The following SBNO1 variants were observed in gnomAD, a reference collection of about 807,000 sequenced individuals.
SBNO1 encodes the protein protein strawberry notch homolog 1.
A neutral mutation model predicts 173.6 loss-of-function variants in SBNO1; 23 were observed. The observed-to-expected ratio is 0.13, with a 90% CI of 0.10 to 0.19. The LOEUF is 0.19. Ranked by LOEUF, SBNO1 falls within the 10% of genes least tolerant of loss-of-function variation. The probability of loss-of-function intolerance (pLI) is 1.00; values close to 1 mark genes in which losing one functional copy is unlikely to be tolerated. For synonymous variants in SBNO1, 632 were observed against 571.5 expected (o/e 1.11, Z -1.51); for missense variants, 1,238 against 1,671.2 (o/e 0.74, Z 4.52).
chr12:123,309,544 A>G lies in SBNO1; in HGVS notation c.3482T>C (p.Val1161Ala). 1 of 1,614,100 alleles carries G rather than the reference A, an allele frequency of 6.2e-7. No homozygotes were observed. The highest frequency in any genetic ancestry group is 8.5e-7 in the Non-Finnish European group (1 of 1,179,956). Residue 1161 changes from valine (V) to alanine (A), a missense_variant, in exon 27 of 32, where the codon GTT (valine) becomes GCT (alanine). Physicochemically the swap from Val to Ala is moderately conservative, Grantham distance 64. Coordinates refer to ENST00000602398, the MANE Select transcript of SBNO1 (RefSeq NM_001167856.3). ...ATATCCTGGAGTCAGAAACTTTTTAACATCACTTTTCCGCACTTTTTCATC... is the reference window on the plus strand; with the variant it reads ...ATATCCTGGAGTCAGAAACTTTTTAGCATCACTTTTCCGCACTTTTTCATC... ...SGDEKVRKSD[V>A]KKFLTPGYST...
At chr12:123,315,841 A>G (rs184626361) in intron 21 of SBNO1, among the ~76,000 whole-genome samples, 181 bp from the exon 22 acceptor site, 2 of 152,342 alleles carry the variant, frequency 1.3e-5, no homozygotes, top group East Asian at 3.9e-4. Flanking sequence ...AAGTATTAGC[A>G]TTGCTACCCC....
chr12:123,348,147 A>C lies in SBNO1; in HGVS notation c.133-14T>G. On this transcript the variant is annotated splice_polypyrimidine_tract_variant and intron_variant, in intron 2 of 31. Transcript: ENST00000602398. Reference sequence around the variant, plus strand: ...AAGTGGCACTGACTGGAGAGAAAACAACATCAGACAAAAAATAAAAGGACA... The same window carrying C: ...AAGTGGCACTGACTGGAGAGAAAACCACATCAGACAAAAAATAAAAGGACA... The C allele has an allele frequency of 2.9e-6, 4 of 1,370,666 alleles. No homozygotes were observed. The highest frequency in any genetic ancestry group is 4.0e-6 in the Non-Finnish European group (4 of 1,011,606). The allele number at this position is 1,370,666 out of a possible 1,614,324, so 84.9% of individuals were successfully genotyped here.
chr12:123,359,078 G>A (rs1373191457), intron 1 of SBNO1, among the ~76,000 whole-genome samples: 2 of 151,660 alleles, frequency 1.3e-5, no homozygotes, highest in East Asian at 2.0e-4. Flanking sequence ...GATTATAGGC[G>A]CCCACCACCA....
chr12:123,297,687 C>G (rs894157481), intron 31 of SBNO1, among the ~76,000 whole-genome samples: 1 of 152,100 alleles, frequency 6.6e-6, no homozygotes, highest in South Asian at 2.1e-4. Flanking sequence ...AGAGGCTGAA[C>G]TGTCTACACA....
intron 15 of SBNO1, 137 bp downstream of exon 15, chr12:123,325,365 C>T: frequency 1.6e-6 from 1 of 625,126 alleles, no homozygotes; most frequent in East Asian, 2.7e-5. Context: ...TACAGAAAAG[C>T]AGAAAACTCA....
chr12:123,364,545 C>G (rs1472385078), intron 1 of SBNO1, 156 bp downstream of exon 1: 21 of 983,480 alleles, frequency 2.1e-5, no homozygotes, highest in Non-Finnish European at 2.3e-5. Flanking sequence ...CCGGAGCGCG[C>G]GGCCGCGAGG....
chr12:123,316,763 C>T lies in SBNO1; in HGVS notation c.2935+458G>A, dbSNP rs1423957009. ...TGTTGCCCAGGCTGGAGTGCAATAGCGTGATCTCAGCTCACTGCAGCCTGC... is the reference window on the plus strand; with the variant it reads ...TGTTGCCCAGGCTGGAGTGCAATAGTGTGATCTCAGCTCACTGCAGCCTGC... On this transcript the variant is annotated intron_variant, in intron 21 of 31. Transcript: ENST00000602398. Among the ~76,000 whole-genome samples, 7 of 143,248 alleles carry T rather than the reference C, an allele frequency of 4.9e-5. No individual in the cohort carries two copies. The East Asian group carries it at 6.4e-4, about 13-fold the overall frequency. 94.0% of individuals were successfully genotyped at this position (143,248 alleles called of 152,430 possible). A position where few individuals can be genotyped will look rare whatever the true frequency, so the allele number is the denominator to read the frequency against.
At chr12:123,352,290 C>T (rs1442394193) in intron 1 of SBNO1, among the ~76,000 whole-genome samples, 3 of 152,280 alleles carry the variant, frequency 2.0e-5, no homozygotes, top group Non-Finnish European at 4.4e-5. Context: ...TTCATGATGT[C>T]CTACAAAAAT....
chr12:123,292,397 C>T lies in SBNO1; in HGVS notation c.*3511G>A, dbSNP rs1280533748. 6.6e-6 allele frequency: 1 copy of T among 152,172 alleles called. No homozygotes were observed. The highest frequency in any genetic ancestry group is 1.5e-5 in the Non-Finnish European group (1 of 68,036). 9.4% of individuals were successfully genotyped at this position (152,172 alleles called of 1,614,324 possible). On this transcript the variant is annotated 3_prime_UTR_variant, in exon 32 of 32. Transcript: ENST00000602398. ...CTTCCATGAAGTGAGATGCAACAAT[C>T]ATTTCCAATCTATTTTTTTATCTCA...
Position 123,295,770 on chromosome 12 carries a change from T to G in SBNO1, c.*138A>C. ...AGTTTTGCTATCTATTCCAGGTTTG[T>G]CCTTACTCCCAAAAAAACTAACTAG... On this transcript the variant is annotated 3_prime_UTR_variant, in exon 32 of 32. Coordinates refer to ENST00000602398, the MANE Select transcript of SBNO1 (RefSeq NM_001167856.3). 9.0e-7 allele frequency: 1 copy of G among 1,115,506 alleles called. No homozygotes were observed. 69.1% of individuals were successfully genotyped at this position (1,115,506 alleles called of 1,614,324 possible).
intron 1 of SBNO1, among the ~76,000 whole-genome samples, chr12:123,358,054 T>C (rs1488284108): frequency 6.6e-6 from 1 of 152,190 alleles, no homozygotes; most frequent in African/African-American, 2.4e-5. Flanking sequence ...GAACCAGAAG[T>C]GACTCAGGGT....
chr12:123,311,299 ATC>A (rs1227941604), intron 24 of SBNO1, among the ~76,000 whole-genome samples, 170 bp from the exon 25 acceptor site: 3 of 152,214 alleles, frequency 2.0e-5, no homozygotes, highest in African/African-American at 7.2e-5. Context: ...TCACTCTGTC[ATC>A]TGTGACCTAA....
At position 123,331,233 on chromosome 12, in the gene SBNO1, A is replaced by C. The variant is rs1303661615; in HGVS notation, c.1043+9T>G. 6.2e-7 allele frequency: 1 copy of C among 1,613,380 alleles called. No homozygotes were observed. The highest frequency in any genetic ancestry group is 1.3e-5 in the African/African-American group (1 of 74,878). The stretch of plus-strand genomic sequence containing the variant: ...GCGCCTGGCCCACAGCCAGTTTTTA[A>C]ACACTTACCACAATGCTCGTTTTCT... On this transcript the variant is annotated intron_variant, in intron 8 of 31. Coordinates refer to ENST00000602398, the MANE Select transcript of SBNO1 (RefSeq NM_001167856.3).
At chr12:123,313,266 A>G (rs1332352267) in intron 24 of SBNO1, among the ~76,000 whole-genome samples, 2 of 149,380 alleles carry the variant, frequency 1.3e-5, no homozygotes, top group Non-Finnish European at 3.0e-5. Flanking sequence ...TTTTTAAAAA[A>G]GACTCGGTCT....
intron 1 of SBNO1, among the ~76,000 whole-genome samples, chr12:123,360,087 CA>C (rs1222239788): frequency 1.3e-5 from 2 of 151,764 alleles, no homozygotes; most frequent in South Asian, 2.1e-4. Context: ...TAAAAACACA[CA>C]AAAAAATTAG....
intron 19 of SBNO1, 39 bp from the exon 20 acceptor site, chr12:123,320,070 G>A (rs1396209979): frequency 6.2e-7 from 1 of 1,611,386 alleles, no homozygotes; most frequent in East Asian, 2.2e-5. Flanking sequence ...GAAGGTATCT[G>A]ACTGCGGTGG....
chr12:123,321,997 CAT>C (rs1316248220), intron 16 of SBNO1, among the ~76,000 whole-genome samples: 4 of 152,190 alleles, frequency 2.6e-5, no homozygotes, highest in African/African-American at 9.6e-5. Flanking sequence ...AGTTTCAAAA[CAT>C]ATTCAGGACA....
At chr12:123,328,568 AG>A (rs1285743065) in intron 10 of SBNO1, among the ~76,000 whole-genome samples, 165 bp downstream of exon 10, 4 of 152,220 alleles carry the variant, frequency 2.6e-5, no homozygotes, top group Non-Finnish European at 5.9e-5. Flanking sequence ...CCTATCTGAC[AG>A]GTAAAAAACC....
At chr12:123,360,806 T>C (rs185336615) in intron 1 of SBNO1, among the ~76,000 whole-genome samples, 131 of 152,160 alleles carry the variant, frequency 8.6e-4, no homozygotes, top group Non-Finnish European at 1.5e-3. Context: ...CAACAGTACT[T>C]TCAGTAAGGC....
Sources: gnomAD v4.1 joint callset for allele counts (sites outside exome capture counted in the v4.1 genomes callset) on GRCh38, gnomAD v4.1.1 for gene constraint, MANE v1.5 for transcripts, NCBI Gene and HGNC (gene_info 2026-07-23, HGNC 2026-07-21) for gene names.